The following CTNNA3 variants were observed in gnomAD, a reference collection of about 807,000 sequenced individuals.
CTNNA3 encodes the protein catenin alpha-3.
Under a neutral mutation model 95.7 loss-of-function variants are expected in CTNNA3, and 76 were observed. The ratio of observed to expected loss-of-function variants is 0.79; its 90% CI spans 0.66 to 0.96. The LOEUF is 0.96. CTNNA3 is among the 40% of genes least tolerant of loss of function. The pLI is 0.00. For synonymous variants in CTNNA3, 431 were observed against 374.4 expected, an observed-to-expected ratio of 1.15 and a Z score of -1.74; for missense variants, 1,191 against 1,089.8, an observed-to-expected ratio of 1.09 and a Z score of -1.31.
chr10:66,233,191 A>G (rs2927361), intron 13 of CTNNA3, among the ~76,000 whole-genome samples: 1 of 130,640 alleles, frequency 7.7e-6, no homozygotes, highest in African/African-American at 2.9e-5. Flanking sequence ...AAAAAAAAAA[A>G]TTTCAGGTGT....
chr10:66,684,576 T>C (rs1054331231), intron 9 of CTNNA3, among the ~76,000 whole-genome samples: 2 of 152,160 alleles, frequency 1.3e-5, no homozygotes, highest in African/African-American at 2.4e-5. Context: ...TTAATTAACA[T>C]TTAACTGCTT....
At chr10:66,167,563 T>A (rs115591203) in intron 13 of CTNNA3, among the ~76,000 whole-genome samples, 1,530 of 152,210 alleles carry the variant, frequency 0.01, 33 homozygotes, top group African/African-American at 0.035. Flanking sequence ...ATAAGAATGT[T>A]TATAATATTA....
At chr10:66,672,644 G>C (rs994602450) in intron 9 of CTNNA3, among the ~76,000 whole-genome samples, 2 of 151,984 alleles carry the variant, frequency 1.3e-5, no homozygotes, top group African/African-American at 2.4e-5. Context: ...AAGGTATTTG[G>C]TTATGGTGGG....
chr10:67,168,896 T>A (rs1589817083), intron 7 of CTNNA3, among the ~76,000 whole-genome samples: 1 of 152,184 alleles, frequency 6.6e-6, no homozygotes. Flanking sequence ...ACCCATAGTC[T>A]TAGCTCAAAA....
intron 7 of CTNNA3, among the ~76,000 whole-genome samples, chr10:66,807,020 G>A (rs1030480711): frequency 4.0e-5 from 6 of 151,838 alleles, no homozygotes; most frequent in Admixed American, 1.3e-4. Flanking sequence ...AATGACAAAC[G>A]CTAATCAATG....
intron 2 of CTNNA3, among the ~76,000 whole-genome samples, chr10:67,645,182 T>C (rs531007505): frequency 3.4e-5 from 5 of 147,040 alleles, no homozygotes; most frequent in Admixed American, 6.7e-5. Flanking sequence ...CCATAAAATG[T>C]GCACGTGCGC....
At chr10:66,887,627 T>C (rs965715412) in intron 7 of CTNNA3, among the ~76,000 whole-genome samples, 1 of 152,172 alleles carries the variant, frequency 6.6e-6, no homozygotes, top group Non-Finnish European at 1.5e-5. Flanking sequence ...TGAGTAAAGT[T>C]ATTACTATCA....
intron 7 of CTNNA3, among the ~76,000 whole-genome samples, chr10:66,958,762 G>A (rs1225293051): frequency 1.3e-5 from 2 of 152,062 alleles, no homozygotes; most frequent in Non-Finnish European, 2.9e-5. Context: ...TCCTAATTTT[G>A]ATTCTCACAC....
chr10:66,380,979 T>C (rs535437340), intron 11 of CTNNA3, among the ~76,000 whole-genome samples: 1 of 151,256 alleles, frequency 6.6e-6, no homozygotes, highest in Admixed American at 6.6e-5. Context: ...CCACTGTCAA[T>C]ATTAGACAGA....
intron 14 of CTNNA3, among the ~76,000 whole-genome samples, chr10:66,092,153 T>C (rs1034191971): frequency 6.6e-6 from 1 of 151,888 alleles, no homozygotes; most frequent in African/African-American, 2.4e-5. Context: ...CAAATTTAGT[T>C]AGTTTTACCT....
intron 9 of CTNNA3, among the ~76,000 whole-genome samples, chr10:66,651,394 G>A (rs1486131143): frequency 1.3e-5 from 2 of 152,186 alleles, no homozygotes; most frequent in East Asian, 3.9e-4. Context: ...GAGCCCAGCT[G>A]GCTTCCTCTA....
intron 5 of CTNNA3, among the ~76,000 whole-genome samples, chr10:67,512,041 A>G (rs1839653201): frequency 6.6e-6 from 1 of 152,190 alleles, no homozygotes; most frequent in African/African-American, 2.4e-5. Context: ...CAGTGGTGAT[A>G]TCCCCTTTAT....
intron 5 of CTNNA3, among the ~76,000 whole-genome samples, chr10:67,333,390 T>C (rs1419851040): frequency 6.6e-6 from 1 of 152,200 alleles, no homozygotes; most frequent in Admixed American, 6.5e-5. Flanking sequence ...TACAGTTACA[T>C]TGGGATGCTA....
At chr10:66,193,560 T>A (rs2131891125) in intron 13 of CTNNA3, among the ~76,000 whole-genome samples, 1 of 152,314 alleles carries the variant, frequency 6.6e-6, no homozygotes, top group Middle Eastern at 3.4e-3. Flanking sequence ...CTAAAAGAAT[T>A]TTCACCTCAG....
chr10:66,222,600 G>GAAAGAAAGAAAGAAAGAAAGAA (rs199534475), intron 13 of CTNNA3, among the ~76,000 whole-genome samples: 48 of 122,422 alleles, frequency 3.9e-4, no homozygotes, highest in Non-Finnish European at 7.0e-4. Flanking sequence ...AAGAAAGAAC[G>GAAAGAAAGAAAGAAAGAAAGAA]AAAGAAAGAA....
intron 2 of CTNNA3, among the ~76,000 whole-genome samples, chr10:67,621,617 T>C (rs750976502): frequency 4.6e-5 from 7 of 151,672 alleles, no homozygotes; most frequent in Non-Finnish European, 1.0e-4. Flanking sequence ...GGCATGATGG[T>C]GCACGCCTGT....
At chr10:66,584,759 A>G (rs1843304673) in intron 10 of CTNNA3, among the ~76,000 whole-genome samples, 1 of 151,854 alleles carries the variant, frequency 6.6e-6, no homozygotes, top group Non-Finnish European at 1.5e-5. Flanking sequence ...TTTTCTTCAT[A>G]TTGTTATTGT....
intron 9 of CTNNA3, among the ~76,000 whole-genome samples, chr10:66,651,487 A>G (rs1473271337): frequency 1.3e-5 from 2 of 151,878 alleles, no homozygotes; most frequent in African/African-American, 2.4e-5. Context: ...TGGGGGGTCA[A>G]TGGGACTGGG....
intron 17 of CTNNA3, among the ~76,000 whole-genome samples, chr10:65,947,817 T>G (rs562330978): frequency 6.6e-6 from 1 of 152,374 alleles, no homozygotes; most frequent in East Asian, 1.9e-4. Context: ...CGTTTTTCAA[T>G]CATATTCATT....
Sources: gnomAD v4.1 joint callset for allele counts (sites outside exome capture counted in the v4.1 genomes callset) on GRCh38, gnomAD v4.1.1 for gene constraint, MANE v1.5 for transcripts, NCBI Gene and HGNC (gene_info 2026-07-23, HGNC 2026-07-21) for gene names.